The following CPXM2 variants were observed in gnomAD, a reference collection of about 807,000 sequenced individuals.
CPXM2 encodes the protein carboxypeptidase X, M14 family member 2, also known as inactive carboxypeptidase-like protein X2.
CPXM2 carries 66 observed loss-of-function variants against 86.1 expected under a neutral mutation model. The ratio of observed to expected loss-of-function variants is 0.77; its 90% CI spans 0.63 to 0.94. The LOEUF (loss-of-function observed/expected upper bound fraction) is 0.94. Among genes scored for constraint, CPXM2 ranks in the 40% least tolerant of loss-of-function variants. CPXM2 has a pLI of 0.00. For missense variants in CPXM2, 948 were observed against 1,026.3 expected (o/e 0.92, Z 1.04); for synonymous variants, 388 against 400.2 (o/e 0.97, Z 0.36).
At chr10:123,753,691 C>T (rs1257921974) in intron 13 of CPXM2, among the ~76,000 whole-genome samples, 6 of 152,186 alleles carry the variant, frequency 3.9e-5, no homozygotes, top group East Asian at 1.9e-4. Context: ...GCTGTCCTGA[C>T]GTGGTACGGC....
At chr10:123,855,701 T>C (rs1441782376) in intron 3 of CPXM2, among the ~76,000 whole-genome samples, 22 of 152,264 alleles carry the variant, frequency 1.4e-4, no homozygotes, top group Admixed American at 1.4e-3. Context: ...GGGGTACAAA[T>C]GAAGCCACAG....
intron 1 of CPXM2, chr10:123,940,105 C>G (rs1453528662): frequency 6.6e-6 from 1 of 152,346 alleles, no homozygotes; most frequent in Non-Finnish European, 1.5e-5. Context: ...GAGCTCGAAG[C>G]AGCAGGACCA....
In CPXM2 at chr10:123,865,970, A is replaced by G. The variant is rs774333905; in HGVS notation, c.404-3247T>C. 2.6e-4 allele frequency among the ~76,000 whole-genome samples: 40 copies of G among 150,964 alleles called. No individual in the cohort carries two copies. Among genetic ancestry groups the G allele is most frequent in the Non-Finnish European group, 4.7e-4 (32 of 67,692 alleles). ...CCGTTTTTCTGTACTGGGCCCCACA[A>G]TTTCTCCCTCTCAGCCACTCCTCCA... On this transcript the variant is annotated intron_variant, in intron 2 of 13. Coordinates refer to ENST00000241305, the MANE Select transcript of CPXM2 (RefSeq NM_198148.3). This position sits in a 1 kb window ranked among gnomAD's most constrained non-coding sequence, Gnocchi z 4.7.
At chr10:123,866,564 CAAAA>C (rs34989736) in intron 2 of CPXM2, among the ~76,000 whole-genome samples, 1 of 143,502 alleles carries the variant, frequency 7.0e-6, no homozygotes. Flanking sequence ...GACACTGTCT[CAAAA>C]AAAAAAAAAA....
chr10:123,869,929 T>C (rs1342379552), intron 2 of CPXM2, among the ~76,000 whole-genome samples: 1 of 152,150 alleles, frequency 6.6e-6, no homozygotes, highest in Non-Finnish European at 1.5e-5. Flanking sequence ...TAAATAAGAA[T>C]TCTGAATCTA....
At chr10:123,892,140 C>T (rs954012512), upstream of CPXM2, among the ~76,000 whole-genome samples, 1 of 152,146 alleles carries the variant, frequency 6.6e-6, no homozygotes, top group Non-Finnish European at 1.5e-5. Context: ...GCCCAGGGTC[C>T]TAAAGTAAAT....
chr10:123,756,185 GC>G (rs1846205804), intron 12 of CPXM2, among the ~76,000 whole-genome samples: 1 of 152,232 alleles, frequency 6.6e-6, no homozygotes, highest in African/African-American at 2.4e-5. Context: ...CTTGTGTCCA[GC>G]CTCAGAGTCT....
chr10:123,831,044 T>C (rs546968427), intron 4 of CPXM2, among the ~76,000 whole-genome samples: 57 of 152,306 alleles, frequency 3.7e-4, no homozygotes, highest in African/African-American at 1.3e-3. Context: ...CTGGTTACCA[T>C]GGCTTTTTGA....
At chr10:123,812,452 C>T (rs1847714026) in intron 4 of CPXM2, among the ~76,000 whole-genome samples, 1 of 152,050 alleles carries the variant, frequency 6.6e-6, no homozygotes, top group African/African-American at 2.4e-5. Flanking sequence ...TAATTGGTCC[C>T]CGATAAGGAG....
In CPXM2 at chr10:123,878,043, G is replaced by A. The variant is rs1454959409; in HGVS notation, c.403+2168C>T. Among the ~76,000 whole-genome samples the A allele has an allele frequency of 4.6e-5, 7 of 152,028 alleles. No homozygotes were observed. In the East Asian group the frequency reaches 7.7e-4, roughly 17 times the overall value. On this transcript the variant is annotated intron_variant, in intron 2 of 13. Transcript: ENST00000241305. The stretch of plus-strand genomic sequence containing the variant: ...GTACACCAGCCCAACATTCTGCCAC[G>A]CTGCCTTCAAAGCCCCCCAGTGCAA...
chr10:123,923,305 G>T lies in CPXM2; in HGVS notation n.174+16172C>A, dbSNP rs183562299. ...CTTAAGAAATAAACATTCTTGCCGG[G>T]CGCGGTGGCTCACGCCTGTAATCCC... On this transcript the variant is annotated intron_variant and non_coding_transcript_variant, in intron 2 of 19. Coordinates refer to the CPXM2 transcript ENST00000368854. Among the ~76,000 whole-genome samples the T allele has an allele frequency of 2.6e-5, 4 of 152,300 alleles. No individual in the cohort carries two copies. The East Asian group carries it at 7.7e-4, about 29-fold the overall frequency.
chr10:123,747,991 G>A (rs1846002271), intron 13 of CPXM2, among the ~76,000 whole-genome samples: 1 of 151,220 alleles, frequency 6.6e-6, no homozygotes. Flanking sequence ...ACAACCTGGT[G>A]AGAACATTTA....
intron 9 of CPXM2, 136 bp downstream of exon 9, chr10:123,768,390 A>C: frequency 6.1e-6 from 1 of 163,234 alleles, no homozygotes. Flanking sequence ...TAAATAAATA[A>C]ATAAATAAAT....
At chr10:123,789,897 T>C (rs1847167355) in intron 6 of CPXM2, among the ~76,000 whole-genome samples, 1 of 151,918 alleles carries the variant, frequency 6.6e-6, no homozygotes, top group Non-Finnish European at 1.5e-5. Flanking sequence ...GGCAGGCGGA[T>C]CACGAGGTCA....
At chr10:123,846,009 C>T (rs1316613831) in intron 3 of CPXM2, among the ~76,000 whole-genome samples, 1 of 152,098 alleles carries the variant, frequency 6.6e-6, no homozygotes, top group East Asian at 1.9e-4. Flanking sequence ...AAAATAAAGA[C>T]ATTTTCAGAT....
At chr10:123,913,769 C>A in intron 2 of CPXM2, 1 of 264,566 alleles carries the variant, frequency 3.8e-6, no homozygotes, top group Non-Finnish European at 7.5e-6. Flanking sequence ...CCATGGTGAC[C>A]AGCAGCTCCA....
intron 2 of CPXM2, among the ~76,000 whole-genome samples, chr10:123,898,888 GCATGCACCAC>G (rs1945359516): frequency 6.6e-6 from 1 of 152,112 alleles, no homozygotes; most frequent in Admixed American, 6.6e-5. Context: ...GGGATTATAG[GCATGCACCAC>G]CATGCCCAGC....
chr10:123,871,931 T>C (rs931141955), intron 2 of CPXM2, among the ~76,000 whole-genome samples: 1 of 152,128 alleles, frequency 6.6e-6, no homozygotes, highest in African/African-American at 2.4e-5. Context: ...TATTCACAAA[T>C]GAGGTTATCC....
chr10:123,868,566 C>T (rs1944836953), intron 2 of CPXM2, among the ~76,000 whole-genome samples: 1 of 152,068 alleles, frequency 6.6e-6, no homozygotes, highest in Non-Finnish European at 1.5e-5. Context: ...GCAACCTGTG[C>T]ATTCTAAGGG....
Sources: gnomAD v4.1 joint callset for allele counts (sites outside exome capture counted in the v4.1 genomes callset) on GRCh38, gnomAD v4.1.1 for gene constraint, Gnocchi (gnomAD v3.1) non-coding constraint, MANE v1.5 for transcripts, NCBI Gene and HGNC (gene_info 2026-07-23, HGNC 2026-07-21) for gene names.